Variants in ANKRD33 observed in about 807,000 individuals in gnomAD.
ANKRD33 encodes the protein ankyrin repeat domain 33, also known as photoreceptor ankyrin repeat protein.
In ANKRD33, 20 loss-of-function variants were observed where a neutral mutation model predicts 20.6. That is an observed-to-expected ratio of 0.97 (90% CI 0.68 to 1.41). The LOEUF (loss-of-function observed/expected upper bound fraction) is 1.41. ANKRD33 is among the 40% of genes most tolerant of loss of function. The pLI is 0.00. For missense variants in ANKRD33, 545 were observed against 579.6 expected (o/e 0.94, Z 0.61); for synonymous variants, 246 against 245.0 (o/e 1.00, Z -0.04).
chr12:51,889,113 C>G lies in ANKRD33; in HGVS notation c.443C>G (p.Ala148Gly), dbSNP rs1324603822. The change falls in exon 3 of 5, where the codon GCC (alanine) becomes GGC (glycine). Residue 148 changes from alanine (A) to glycine (G), a missense_variant. Ala to Gly is a moderately conservative substitution (Grantham distance 60, BLOSUM62 0). Coordinates refer to ENST00000301190, the MANE Select transcript of ANKRD33 (RefSeq NM_182608.4). ...TACCACGGCTTCCAGAGTGTTGTGG[C>G]CCTGCTCAGCCACTGTCCTTTCCTT... is the stretch of plus-strand genomic sequence containing the variant. ...ACYHGFQSVV[A>G]LLSHCPFLDV... 1 of 1,614,082 alleles carries G rather than the reference C, an allele frequency of 6.2e-7. No individual in the cohort carries two copies. The highest frequency in any genetic ancestry group is 1.3e-5 in the African/African-American group (1 of 74,940).
chr12:51,891,251 G>A lies in ANKRD33; in HGVS notation c.1305G>A (p.Glu435=). ...CCCTTCCTCTCTGGCGATACCAGGA[G>A]CTCAGGATAGAGAAGAGGAAACAGG... is the stretch of plus-strand genomic sequence containing the variant. ...SLALPLWRYQ[E]LRIEKRKQEE... Residue 435 remains glutamate (E), a synonymous_variant, in exon 5 of 5, where the codon GAG becomes GAA. Coordinates refer to ENST00000301190, the MANE Select transcript of ANKRD33 (RefSeq NM_182608.4). 3 of 1,614,234 alleles carry A rather than the reference G, an allele frequency of 1.9e-6. No homozygotes were observed. The South Asian group carries it at 3.3e-5, about 18-fold the overall frequency.
At chr12:51,888,442 A>C in intron 1 of ANKRD33, 111 bp downstream of exon 1, 1 of 1,576,066 alleles carries the variant, frequency 6.3e-7, no homozygotes, top group South Asian at 1.1e-5. Context: ...CTCAGGGTGG[A>C]TGGGGCGAGA....
chr12:51,888,386 A>G, intron 1 of ANKRD33, 55 bp downstream of exon 1: 1 of 1,607,826 alleles, frequency 6.2e-7, no homozygotes, highest in African/African-American at 1.3e-5. Flanking sequence ...GCTGACCTAG[A>G]GTGAACCCTG....
chr12:51,890,271 C>T (rs1170208083), intron 4 of ANKRD33: 1 of 533,850 alleles, frequency 1.9e-6, no homozygotes, highest in Non-Finnish European at 3.4e-6. Context: ...GGGTGCAGCT[C>T]AGGCCTCTGC....
chr12:51,890,351 G>A, intron 4 of ANKRD33: 1 of 1,074,966 alleles, frequency 9.3e-7, no homozygotes, highest in African/African-American at 1.6e-5. Context: ...TTCTGCCCTA[G>A]GTGGAGCCCC....
rs759158427 is a variant in ANKRD33 at position 51,888,730 on chromosome 12, G to T, written c.308G>T (p.Cys103Phe). The change falls in exon 2 of 5, where the codon TGT becomes TTT. Residue 103 changes from cysteine to phenylalanine, a missense_variant. Cys to Phe is a radical substitution (Grantham distance 205). Coordinates refer to ENST00000301190, the MANE Select transcript of ANKRD33 (RefSeq NM_182608.4). ...GCRLGALYWA[C>F]VHNDPTQLQA... is the part of the protein sequence containing the mutation. ...AGGCTGGGGGCCCTGTATTGGGCCT[G>T]TGTCCACAATGATCCCACCCAGCTC... 2 of 1,614,112 alleles carry T rather than the reference G, an allele frequency of 1.2e-6. No individual in the cohort carries two copies. The highest frequency in any genetic ancestry group is 1.7e-6 in the Non-Finnish European group (2 of 1,180,028).
chr12:51,888,610 G>T lies in ANKRD33; in HGVS notation c.188G>T (p.Cys63Phe). ...AAAGGGACTCACCTTCTGGTTCCCT[G>T]CCTGGAAGAGGAAGAGCTGGCATTG... The part of the protein sequence containing the change: ...MRKGTHLLVP[C>F]LEEEELALHR... Residue 63 changes from cysteine (C) to phenylalanine (F), a missense_variant, in exon 2 of 5, where the codon TGC becomes TTC. Coordinates refer to ENST00000301190, the MANE Select transcript of ANKRD33 (RefSeq NM_182608.4). The T allele has an allele frequency of 6.4e-7, 1 of 1,573,664 alleles. No homozygotes were observed. Among genetic ancestry groups the T allele is most frequent in the Non-Finnish European group, 8.6e-7 (1 of 1,161,068 alleles).
intron 4 of ANKRD33, chr12:51,890,019 G>A (rs893624648): frequency 4.1e-5 from 9 of 221,876 alleles, no homozygotes; most frequent in African/African-American, 1.8e-4. Context: ...CTTCTTCCCC[G>A]CAGTGGGGCT....
In ANKRD33 at chr12:51,890,630, G is replaced by A. The variant is rs1940388855; in HGVS notation, c.684G>A (p.Leu228=). The A allele has an allele frequency of 6.2e-7, 1 of 1,610,012 alleles. No individual in the cohort carries two copies. Among genetic ancestry groups the A allele is most frequent in the East Asian group, 2.2e-5 (1 of 44,894 alleles). ...AVDPVRGKTA[L]EWAVLTDSFD... is the part of the protein sequence containing the mutation. ...ACCCTGTTCGGGGCAAGACGGCCCTGGAATGGGCAGTGCTGACCGACAGCT... is the reference window on the plus strand; with the variant it reads ...ACCCTGTTCGGGGCAAGACGGCCCTAGAATGGGCAGTGCTGACCGACAGCT... Residue 228 remains leucine (L), a synonymous_variant, in exon 5 of 5, where the codon CTG becomes CTA. Transcript: ENST00000301190.
At chr12:51,889,321 G>A (rs779361927) in intron 3 of ANKRD33, 51 bp from the exon 4 acceptor site, 5 of 1,607,722 alleles carry the variant, frequency 3.1e-6, no homozygotes, top group East Asian at 2.2e-5. Flanking sequence ...CGGTTTGGGA[G>A]CTTCATCACC....
chr12:51,888,731 T>C lies in ANKRD33; in HGVS notation c.309T>C (p.Cys103=), dbSNP rs140622642. The part of the protein sequence containing the change: ...GCRLGALYWA[C]VHNDPTQLQA... ...GGCTGGGGGCCCTGTATTGGGCCTG[T>C]GTCCACAATGATCCCACCCAGCTCC... The change falls in exon 2 of 5, where the codon TGT becomes TGC. Residue 103 remains cysteine (C), a synonymous_variant. Coordinates refer to ENST00000301190, the MANE Select transcript of ANKRD33 (RefSeq NM_182608.4). 1.1e-4 allele frequency: 174 copies of C among 1,613,964 alleles called. No homozygotes were observed. Among genetic ancestry groups the C allele is most frequent in the Non-Finnish European group, 1.4e-4 (163 of 1,180,028 alleles).
Position 51,890,824 on chromosome 12 carries a change from T to TC in ANKRD33, c.882dup (p.Phe295LeufsTer36). 6.2e-7 allele frequency: 1 copy of TC among 1,610,202 alleles called. No homozygotes were observed. Among genetic ancestry groups the TC allele is most frequent in the East Asian group, 2.2e-5 (1 of 44,810 alleles). ...GAACGGCTGCAGGCTACCTTGAGCC[T>TC]CCCCTTTGCCCCGTCTCCTCAGGAG... On this transcript the variant is annotated frameshift_variant, in exon 5 of 5. Coordinates refer to ENST00000301190, the MANE Select transcript of ANKRD33 (RefSeq NM_182608.4). LOFTEE classifies it low-confidence loss of function (END_TRUNC).
chr12:51,890,561 T>A (rs1244667948), intron 4 of ANKRD33, 23 bp from the exon 5 acceptor site: 15 of 1,602,820 alleles, frequency 9.4e-6, no homozygotes, highest in African/African-American at 1.3e-5. Flanking sequence ...CCGCCCCATG[T>A]CACCCCCTGT....
In ANKRD33 at chr12:51,890,748, G is replaced by T. The variant is rs758373896; in HGVS notation, c.802G>T (p.Gly268Trp). ...CAAGCCCGAGTGGCCGGCCTTGTCC[G>T]GGCTCGTGGCCCAGGCCCAGGCCCA... ...HYKPEWPALS[G>W]LVAQAQAQAQ... Residue 268 changes from glycine (G) to tryptophan (W), a missense_variant, in exon 5 of 5, where the codon GGG becomes TGG. By Grantham distance (184) the Gly-to-Trp change is radical. Transcript: ENST00000301190. 1.2e-6 allele frequency: 2 copies of T among 1,604,436 alleles called. No homozygotes were observed. The highest frequency in any genetic ancestry group is 8.5e-7 in the Non-Finnish European group (1 of 1,179,762).
rs768409817 is a variant in ANKRD33, at chr12:51,890,903, C to T, written c.957C>T (p.Phe319=). 30 of 1,613,384 alleles carry T rather than the reference C, an allele frequency of 1.9e-5. No homozygotes were observed. The highest frequency in any genetic ancestry group is 1.6e-4 in the East Asian group (7 of 44,888). Residue 319 remains phenylalanine, a synonymous_variant, in exon 5 of 5, where the codon TTC becomes TTT. Transcript: ENST00000301190. ...VTATTSLASP[F]VTTACHTLCP... ...CCACAACCAGCCTGGCCAGTCCCTTCGTCACCACTGCCTGCCACACTCTGT... is the reference window on the plus strand; with the variant it reads ...CCACAACCAGCCTGGCCAGTCCCTTTGTCACCACTGCCTGCCACACTCTGT...
chr12:51,888,132 C>G lies in ANKRD33; in HGVS notation c.-55C>G. 6.3e-7 allele frequency: 1 copy of G among 1,598,824 alleles called. No individual in the cohort carries two copies. The highest frequency in any genetic ancestry group is 8.5e-7 in the Non-Finnish European group (1 of 1,172,158). On this transcript the variant is annotated 5_prime_UTR_variant, in exon 1 of 5. Transcript: ENST00000301190. ...CGTGACCACCCGCCCCGCATGGGGC[C>G]CCAGTCCCAGCTGCTTGATCCGGCT...
chr12:51,888,391 AC>A, intron 1 of ANKRD33, 60 bp downstream of exon 1: 1 of 1,605,900 alleles, frequency 6.2e-7, no homozygotes, highest in East Asian at 2.2e-5. Context: ...CCTAGAGTGA[AC>A]CCTGCTTGCT....
chr12:51,891,463 C>A lies in ANKRD33; in HGVS notation c.*158C>A. On this transcript the variant is annotated 3_prime_UTR_variant, in exon 5 of 5. Coordinates refer to ENST00000301190, the MANE Select transcript of ANKRD33 (RefSeq NM_182608.4). The stretch of plus-strand genomic sequence containing the variant: ...AGGTCATTCATTCTAGCATTGTTTG[C>A]AAGAGTGAAAGAGTGGAAACACCCG... The A allele has an allele frequency of 1.5e-6, 2 of 1,295,396 alleles. No individual in the cohort carries two copies. The highest frequency in any genetic ancestry group is 2.1e-6 in the Non-Finnish European group (2 of 972,766). 80.2% of individuals were successfully genotyped at this position (1,295,396 alleles called of 1,614,324 possible).
At chr12:51,889,622 G>A in intron 4 of ANKRD33, 140 bp downstream of exon 4, 1 of 1,428,982 alleles carries the variant, frequency 7.0e-7, no homozygotes, top group Non-Finnish European at 9.3e-7. Context: ...GGTGGAGATG[G>A]GGGATCAATC....
Sources: allele counts gnomAD v4.1 joint callset, GRCh38; gene constraint gnomAD v4.1.1; transcripts MANE v1.5; gene names NCBI Gene and HGNC (gene_info 2026-07-23, HGNC 2026-07-21).